Variants in PTPRT observed in about 807,000 individuals in gnomAD.
PTPRT encodes protein tyrosine phosphatase receptor type T, also known as receptor-type tyrosine-protein phosphatase T.
A neutral mutation model predicts 176.8 loss-of-function variants in PTPRT; 56 were observed. The ratio of observed to expected loss-of-function variants is 0.32; its 90% confidence interval spans 0.26 to 0.40. The LOEUF is 0.40. Ranked by LOEUF, PTPRT falls within the 10% of genes least tolerant of loss-of-function variation. The probability of loss-of-function intolerance (pLI) is 1.00; values close to 1 mark genes in which losing one functional copy is unlikely to be tolerated. For missense variants in PTPRT, 1,540 were observed against 1,908.2 expected (o/e 0.81, Z 3.60); for synonymous variants, 783 against 739.0 (o/e 1.06, Z -0.96).
chr20:43,169,186 T>G (rs1216300986), intron 1 of PTPRT, among the ~76,000 whole-genome samples: 2 of 152,214 alleles, frequency 1.3e-5, no homozygotes, highest in African/African-American at 2.4e-5. Context: ...AAGCAAGGAT[T>G]AAAATGGAAT....
chr20:42,811,710 T>C (rs1044943417), intron 2 of PTPRT, among the ~76,000 whole-genome samples: 2 of 152,184 alleles, frequency 1.3e-5, no homozygotes, highest in African/African-American at 4.8e-5. Flanking sequence ...GTTGTTACAC[T>C]GCCCAGGTTT....
intron 11 of PTPRT, among the ~76,000 whole-genome samples, chr20:42,343,371 T>C (rs974675368): frequency 7.2e-5 from 11 of 152,162 alleles, no homozygotes; most frequent in African/African-American, 2.7e-4. Flanking sequence ...TGCTGGACAA[T>C]GTCTTTTCCT....
At chr20:42,690,628 C>T (rs1021082405) in intron 6 of PTPRT, among the ~76,000 whole-genome samples, 8 of 152,144 alleles carry the variant, frequency 5.3e-5, no homozygotes, top group Non-Finnish European at 7.4e-5. Context: ...TGTGCAGTAC[C>T]CCAGTACTCT....
intron 1 of PTPRT, among the ~76,000 whole-genome samples, chr20:43,094,274 G>T (rs986022771): frequency 6.7e-6 from 1 of 149,336 alleles, no homozygotes; most frequent in Non-Finnish European, 1.5e-5. Flanking sequence ...TTTTAGTAGA[G>T]ACGGGGTTTC....
chr20:42,337,666 A>G (rs2058059124), intron 11 of PTPRT, among the ~76,000 whole-genome samples: 1 of 152,170 alleles, frequency 6.6e-6, no homozygotes, highest in Admixed American at 6.5e-5. Context: ...CTTTACTCCT[A>G]GAGTTTCTGA....
rs189127174 is a variant in PTPRT, at chr20:42,621,237, G to A, written c.1153+56629C>T. On this transcript the variant is annotated intron_variant, in intron 7 of 30. Transcript: ENST00000373187. Reference sequence around the variant, plus strand: ...TAGATCGCCTGCCCTCCAGCTCCTCGGGCCTTGCCCACACCAATTACCCTC... The same window carrying A: ...TAGATCGCCTGCCCTCCAGCTCCTCAGGCCTTGCCCACACCAATTACCCTC... Among the ~76,000 whole-genome samples, 452 of 152,126 alleles carry A rather than the reference G, an allele frequency of 3.0e-3. 3 individuals carry two copies. The highest frequency in any genetic ancestry group is 0.011 in the African/African-American group (436 of 41,496).
At chr20:42,653,238 T>C (rs1435456523) in intron 7 of PTPRT, among the ~76,000 whole-genome samples, 1 of 152,190 alleles carries the variant, frequency 6.6e-6, no homozygotes, top group Non-Finnish European at 1.5e-5. Flanking sequence ...TGCCACCATG[T>C]GAAGAAGGAC....
chr20:42,361,787 G>A (rs2058435409), intron 9 of PTPRT, among the ~76,000 whole-genome samples: 1 of 152,158 alleles, frequency 6.6e-6, no homozygotes, highest in African/African-American at 2.4e-5. Flanking sequence ...TGGAGCTGAA[G>A]CAAATCATCC....
chr20:42,258,556 T>A (rs886197442), intron 13 of PTPRT, among the ~76,000 whole-genome samples: 1 of 152,200 alleles, frequency 6.6e-6, no homozygotes, highest in Non-Finnish European at 1.5e-5. Flanking sequence ...TTTAGGTGAT[T>A]TTTTTCTGCT....
At chr20:43,161,738 A>G (rs901728977) in intron 1 of PTPRT, among the ~76,000 whole-genome samples, 1 of 152,030 alleles carries the variant, frequency 6.6e-6, no homozygotes, top group African/African-American at 2.4e-5. Context: ...CCTGCAAAAA[A>G]GCAACTCATT....
chr20:42,415,910 T>G (rs1311262880), intron 9 of PTPRT, among the ~76,000 whole-genome samples: 4 of 152,174 alleles, frequency 2.6e-5, no homozygotes, highest in African/African-American at 9.7e-5. Context: ...CAATGTTATC[T>G]TGTTGAGTAA....
intron 11 of PTPRT, among the ~76,000 whole-genome samples, chr20:42,345,971 G>T (rs1434734811): frequency 1.3e-5 from 2 of 152,164 alleles, no homozygotes; most frequent in Admixed American, 1.3e-4. Context: ...TTTTAAGCAG[G>T]AAAGTTAACT....
chr20:42,086,935 T>C (rs1984026509), intron 27 of PTPRT, among the ~76,000 whole-genome samples: 1 of 150,326 alleles, frequency 6.7e-6, no homozygotes, highest in Non-Finnish European at 1.5e-5. Context: ...ATTCTTTCTA[T>C]TTATCTGGAA....
At chr20:42,435,228 T>A (rs2145814767) in intron 9 of PTPRT, among the ~76,000 whole-genome samples, 1 of 152,230 alleles carries the variant, frequency 6.6e-6, no homozygotes, top group South Asian at 2.1e-4. Flanking sequence ...AATGTGTGTA[T>A]CCCTTGGCAC....
intron 2 of PTPRT, among the ~76,000 whole-genome samples, chr20:42,817,938 T>C (rs544697417): frequency 4.6e-5 from 7 of 152,202 alleles, no homozygotes; most frequent in Non-Finnish European, 5.9e-5. Flanking sequence ...TTAGTCTCTC[T>C]TCCTGGTAGC....
Position 42,102,184 on chromosome 20 carries a change from C to T in PTPRT, c.3654G>A (p.Leu1218=), listed in dbSNP as rs1986003021. 1 of 1,614,176 alleles carries T rather than the reference C, an allele frequency of 6.2e-7. No individual in the cohort carries two copies. Among genetic ancestry groups the T allele is most frequent in the Non-Finnish European group, 8.5e-7 (1 of 1,180,032 alleles). Residue 1218 remains leucine, a synonymous_variant, in exon 26 of 31, where the codon CTG becomes CTA. Coordinates refer to ENST00000373187, the MANE Select transcript of PTPRT (RefSeq NM_007050.6). ...CTCCGTCCACTGAGATAAGGAAGGG[C>T]AGGCAGCGGTCCAGAGGCAGCACGT... is the stretch of plus-strand genomic sequence containing the variant. ...SMDVLPLDRC[L]PFLISVDGES...
At chr20:42,895,507 C>T (rs1350645741) in intron 1 of PTPRT, among the ~76,000 whole-genome samples, 3 of 152,048 alleles carry the variant, frequency 2.0e-5, no homozygotes, top group African/African-American at 2.4e-5. Flanking sequence ...GCACAGTCCA[C>T]GCAAGGAGTG....
intron 7 of PTPRT, among the ~76,000 whole-genome samples, chr20:42,549,014 T>C (rs1052142847): frequency 6.6e-6 from 1 of 152,110 alleles, no homozygotes; most frequent in Non-Finnish European, 1.5e-5. Flanking sequence ...CTCGGGAGCA[T>C]GGACTAGTGC....
intron 13 of PTPRT, among the ~76,000 whole-genome samples, chr20:42,260,717 T>C (rs1165279281): frequency 6.6e-6 from 1 of 151,852 alleles, no homozygotes; most frequent in Non-Finnish European, 1.5e-5. Context: ...TGAGAACAGG[T>C]TACCACAGCC....
Sources: gnomAD v4.1 joint callset for allele counts (sites outside exome capture counted in the v4.1 genomes callset) on GRCh38, gnomAD v4.1.1 for gene constraint, MANE v1.5 for transcripts, NCBI Gene and HGNC (gene_info 2026-07-23, HGNC 2026-07-21) for gene names.